The following GAS7 variants were observed in gnomAD, a reference collection of about 807,000 sequenced individuals.
GAS7 encodes the protein growth arrest specific 7.
A neutral mutation model predicts 71.1 loss-of-function variants in GAS7; 28 were observed. The ratio of observed to expected loss-of-function variants is 0.39; its 90% CI spans 0.29 to 0.54. The LOEUF (loss-of-function observed/expected upper bound fraction) is 0.54. Ranked by LOEUF, GAS7 falls within the 20% of genes least tolerant of loss-of-function variation. The probability of loss-of-function intolerance (pLI) is 0.62; values close to 1 mark genes in which losing one functional copy is unlikely to be tolerated. For missense variants in GAS7, 436 were observed against 627.8 expected (o/e 0.69, Z 3.27); for synonymous variants, 258 against 245.8 (o/e 1.05, Z -0.46).
intron 11 of GAS7, among the ~76,000 whole-genome samples, chr17:9,922,262 C>A (rs1365776092): frequency 6.6e-6 from 1 of 151,920 alleles, no homozygotes; most frequent in Admixed American, 6.6e-5. Flanking sequence ...CTTCTAGTAG[C>A]CTTGGAAAAG....
intron 1 of GAS7, among the ~76,000 whole-genome samples, chr17:10,133,154 C>T (rs1206367108): frequency 6.0e-5 from 8 of 134,436 alleles, no homozygotes; most frequent in African/African-American, 1.9e-4. Flanking sequence ...GATGGAGTCT[C>T]GCTCTGTCGC....
At chr17:10,174,888 C>T (rs1402064692) in intron 1 of GAS7, among the ~76,000 whole-genome samples, 1 of 152,084 alleles carries the variant, frequency 6.6e-6, no homozygotes, top group African/African-American at 2.4e-5. Context: ...CTCTGTCACC[C>T]AGGCTGGAGT....
intron 1 of GAS7, among the ~76,000 whole-genome samples, chr17:10,099,131 ATAATC>A (rs2073672927): frequency 6.6e-6 from 1 of 152,112 alleles, no homozygotes; most frequent in Non-Finnish European, 1.5e-5. Flanking sequence ...GCTGGATTTA[ATAATC>A]TATCTCAGAG....
intron 2 of GAS7, among the ~76,000 whole-genome samples, chr17:9,985,184 T>A (rs553267038): frequency 1.3e-5 from 2 of 152,186 alleles, no homozygotes; most frequent in Non-Finnish European, 2.9e-5. Flanking sequence ...CCAGTCTCCC[T>A]GCCTTTTGAA....
chr17:9,941,754 C>T (rs1404098119), intron 7 of GAS7, among the ~76,000 whole-genome samples: 5 of 152,150 alleles, frequency 3.3e-5, no homozygotes, highest in African/African-American at 4.8e-5. Context: ...TTCTCAAACC[C>T]GAGCTGTGCA....
chr17:9,911,511 C>G lies in GAS7; in HGVS notation c.*5717G>C. 1 of 233,586 alleles carries G rather than the reference C, an allele frequency of 4.3e-6. No homozygotes were observed. The highest frequency in any genetic ancestry group is 1.3e-3 in the Middle Eastern group (1 of 784). 14.5% of individuals were successfully genotyped at this position (233,586 alleles called of 1,614,324 possible). The stretch of plus-strand genomic sequence containing the variant: ...CTCACCCCACCCCCAGAGACACCTC[C>G]CAGGAAGCCCTCCTGACAGCCATGC... On this transcript the variant is annotated 3_prime_UTR_variant, in exon 14 of 14. Coordinates refer to ENST00000432992, the MANE Select transcript of GAS7 (RefSeq NM_201433.2). The surrounding 1 kb of genome is among the most constrained non-coding windows in gnomAD (Gnocchi z 4.0).
chr17:9,931,261 G>A (rs1203086392), intron 9 of GAS7, among the ~76,000 whole-genome samples: 2 of 152,174 alleles, frequency 1.3e-5, no homozygotes, highest in Non-Finnish European at 2.9e-5. Context: ...TATCTCGCGT[G>A]GTGGTTGACG....
In GAS7 at chr17:10,005,169, G is replaced by A. The variant is rs867547883; in HGVS notation, c.304+14608C>T. On this transcript the variant is annotated intron_variant, in intron 2 of 13. Transcript: ENST00000432992. ...CGCATGCATGCATGTGTGTGCGCAC[G>A]CATGCATGTATGTGTATGTGCACGC... Among the ~76,000 whole-genome samples, 74 of 148,852 alleles carry A rather than the reference G, an allele frequency of 5.0e-4. 2 individuals are homozygous for A. The Middle Eastern group carries it at 0.01, about 21-fold the overall frequency.
chr17:10,141,109 C>A (rs1183834577), intron 1 of GAS7, among the ~76,000 whole-genome samples: 1 of 152,198 alleles, frequency 6.6e-6, no homozygotes, highest in Non-Finnish European at 1.5e-5. Context: ...TCTGGAATTT[C>A]CTGCCTTGGG....
intron 1 of GAS7, among the ~76,000 whole-genome samples, chr17:10,196,800 G>C (rs998348519): frequency 6.6e-6 from 1 of 152,126 alleles, no homozygotes; most frequent in African/African-American, 2.4e-5. Flanking sequence ...AAACAAGGAG[G>C]CCCCTTGCTT....
At chr17:10,055,893 A>C (rs2073129830) in intron 1 of GAS7, among the ~76,000 whole-genome samples, 1 of 152,052 alleles carries the variant, frequency 6.6e-6, no homozygotes, top group African/African-American at 2.4e-5. Flanking sequence ...CCCAATCTCC[A>C]TTTTTAGAAT....
intron 2 of GAS7, among the ~76,000 whole-genome samples, chr17:9,991,614 C>T (rs1439472488): frequency 6.6e-6 from 1 of 152,116 alleles, no homozygotes; most frequent in Non-Finnish European, 1.5e-5. Flanking sequence ...GTAGGGGGTG[C>T]TGCCTGGAGC....
intron 1 of GAS7, among the ~76,000 whole-genome samples, chr17:10,071,526 CT>C (rs2073339604): frequency 6.6e-6 from 1 of 152,174 alleles, no homozygotes; most frequent in Admixed American, 6.5e-5. Flanking sequence ...AGACCAGAGG[CT>C]GCCTACAGGA....
rs144204978 is a variant in GAS7 at position 10,137,149 on chromosome 17, C to T, written c.183+61059G>A. Among the ~76,000 whole-genome samples the T allele has an allele frequency of 5.0e-3, 755 of 151,970 alleles. 11 individuals are homozygous for T. Among genetic ancestry groups the T allele is most frequent in the African/African-American group, 0.015 (606 of 41,438 alleles). ...AAGAGAGAGAGAGAGACCGCAAATACTCTCCCTCTCCTACCTGCTCACCCA... is the reference window on the plus strand; with the variant it reads ...AAGAGAGAGAGAGAGACCGCAAATATTCTCCCTCTCCTACCTGCTCACCCA... On this transcript the variant is annotated intron_variant, in intron 1 of 13. Coordinates refer to ENST00000432992, the MANE Select transcript of GAS7 (RefSeq NM_201433.2).
rs557951808 is a variant in GAS7, at chr17:9,981,778, GC to G, written c.385+25del. ...ATGTGGCATCAGGGCCCTCCCAGTTGCCCCAAAGCAGACAGCGGACATTACC... is the reference window on the plus strand; with the variant it reads ...ATGTGGCATCAGGGCCCTCCCAGTTGCCCAAAGCAGACAGCGGACATTACC... On this transcript the variant is annotated intron_variant, in intron 3 of 13. Transcript: ENST00000432992. The surrounding 1 kb of genome is among the most constrained non-coding windows in gnomAD (Gnocchi z 4.4). The G allele has an allele frequency of 1.5e-4, 201 of 1,326,294 alleles. No individual in the cohort carries two copies. In the African/African-American group the frequency reaches 2.5e-3, roughly 17 times the overall value. 82.2% of individuals were successfully genotyped at this position (1,326,294 alleles called of 1,614,324 possible).
chr17:9,958,659 T>C (rs1160801712), intron 5 of GAS7, among the ~76,000 whole-genome samples: 1 of 7,816 alleles, frequency 1.3e-4, no homozygotes, highest in African/African-American at 6.2e-4. Flanking sequence ...TGGGGGTGGG[T>C]GGGGTGGGCT....
chr17:9,936,729 A>C (rs980887527), intron 8 of GAS7, among the ~76,000 whole-genome samples: 1 of 152,218 alleles, frequency 6.6e-6, no homozygotes, highest in Non-Finnish European at 1.5e-5. Context: ...ACAAAACCTG[A>C]GGTGCATCTC....
At position 10,194,688 on chromosome 17, in the gene GAS7, T is replaced by C. The variant is rs9907541; in HGVS notation, c.183+3520A>G. Among the ~76,000 whole-genome samples the C allele has an allele frequency of 1.0e-3, 157 of 152,132 alleles. 1 individual carries two copies. The highest frequency in any genetic ancestry group is 3.7e-3 in the African/African-American group (152 of 41,516). ...TCTCTCAAATGATGTTAAAAAGACT[T>C]CTCGGCCGGGCACAGTGGCTCACGC... is the stretch of plus-strand genomic sequence containing the variant. On this transcript the variant is annotated intron_variant, in intron 1 of 13. Coordinates refer to ENST00000432992, the MANE Select transcript of GAS7 (RefSeq NM_201433.2).
At chr17:10,147,354 G>A (rs9895531) in intron 1 of GAS7, among the ~76,000 whole-genome samples, 67,108 of 152,042 alleles carry the variant, frequency 0.44, 15,252 homozygotes, top group East Asian at 0.64. Context: ...GTATGTGTCT[G>A]CGTGTTTAAT....
Sources: gnomAD v4.1 joint callset for allele counts (sites outside exome capture counted in the v4.1 genomes callset) on GRCh38, gnomAD v4.1.1 for gene constraint, Gnocchi (gnomAD v3.1) non-coding constraint, MANE v1.5 for transcripts, NCBI Gene and HGNC (gene_info 2026-07-23, HGNC 2026-07-21) for gene names.